Variants in ENY2 observed in about 807,000 individuals in gnomAD.
ENY2 encodes transcription and mRNA export factor ENY2.
ENY2 carries 4 observed loss-of-function variants against 15.9 expected under a neutral mutation model. The observed-to-expected ratio is 0.25, with a 90% CI of 0.12 to 0.57. ENY2 has a LOEUF of 0.57. Ranked by LOEUF, ENY2 falls within the 20% of genes least tolerant of loss-of-function variation. The pLI is 0.91. For synonymous variants in ENY2, 48 were observed against 38.0 expected, an observed-to-expected ratio of 1.26 and a Z score of -0.97; for missense variants, 54 against 117.2, an observed-to-expected ratio of 0.46 and a Z score of 2.49.
At chr8:109,334,625 T>A in intron 1 of ENY2, 151 bp downstream of exon 1, 3 of 878,740 alleles carry the variant, frequency 3.4e-6, no homozygotes, top group Non-Finnish European at 5.0e-6. Flanking sequence ...CTGAAACCAG[T>A]CCTCGCTTTG....
At chr8:109,342,760 T>C in intron 4 of ENY2, 1 of 696,764 alleles carries the variant, frequency 1.4e-6, no homozygotes, top group Non-Finnish European at 2.6e-6. Context: ...TGCCTCAACC[T>C]TCCAGACTGC....
Position 109,344,256 on chromosome 8 carries a change from A to G in ENY2, c.*775A>G, listed in dbSNP as rs572967421. Reference sequence around the variant, plus strand: ...TTGGAACTCTCTTCCCACTCCTCACATTGCTTTTGCTACCACTGGAAGTTC... The same window carrying G: ...TTGGAACTCTCTTCCCACTCCTCACGTTGCTTTTGCTACCACTGGAAGTTC... On this transcript the variant is annotated 3_prime_UTR_variant, in exon 5 of 5. Coordinates refer to ENST00000521688, the MANE Select transcript of ENY2 (RefSeq NM_020189.6). 2.0e-5 allele frequency: 3 copies of G among 152,368 alleles called. No individual in the cohort carries two copies. Among genetic ancestry groups the G allele is most frequent in the African/African-American group, 7.2e-5 (3 of 41,552 alleles). The allele number at this position is 152,368 out of a possible 1,614,324, so 9.4% of individuals were successfully genotyped here.
At chr8:109,334,557 C>G in intron 1 of ENY2, 83 bp downstream of exon 1, 1 of 1,496,356 alleles carries the variant, frequency 6.7e-7, no homozygotes. Context: ...GTTAGCGTCC[C>G]CGACCCGCGC....
At chr8:109,337,193 A>T (rs1816004430) in intron 2 of ENY2, among the ~76,000 whole-genome samples, 2 of 152,134 alleles carry the variant, frequency 1.3e-5, no homozygotes, top group African/African-American at 2.4e-5. Flanking sequence ...GTAGAAGATT[A>T]TATAGGGTTG....
intron 1 of ENY2, chr8:109,335,502 A>C (rs1305937476): frequency 6.6e-6 from 1 of 151,618 alleles, no homozygotes; most frequent in Non-Finnish European, 1.5e-5. Flanking sequence ...AGCTGGGATT[A>C]CAGACACCTG....
chr8:109,338,791 C>G (rs1408894022), intron 2 of ENY2: 3 of 152,310 alleles, frequency 2.0e-5, no homozygotes, highest in African/African-American at 7.2e-5. Flanking sequence ...GTCTTACAGT[C>G]AATGAAATAC....
At chr8:109,339,025 C>T (rs1870389) in intron 2 of ENY2, 76,435 of 360,384 alleles carry the variant, frequency 0.21, 9,302 homozygotes, top group East Asian at 0.38. Flanking sequence ...TGGTAGAGGA[C>T]GGTGGAGAGT....
intron 3 of ENY2, among the ~76,000 whole-genome samples, chr8:109,340,162 G>A (rs78896138): frequency 0.023 from 3,426 of 152,234 alleles, 139 homozygotes; most frequent in African/African-American, 0.077. Context: ...GCACCTAATA[G>A]AGATCTAGTA....
chr8:109,339,500 A>C (rs1458548915), intron 3 of ENY2, 110 bp downstream of exon 3: 2 of 878,774 alleles, frequency 2.3e-6, no homozygotes, highest in Non-Finnish European at 3.5e-6. Flanking sequence ...TTTTAAACAA[A>C]TATGGAATTT....
chr8:109,345,511 A>C lies in ENY2; in HGVS notation c.*2030A>C, dbSNP rs1324135135. On this transcript the variant is annotated 3_prime_UTR_variant, in exon 5 of 5. Coordinates refer to ENST00000521688, the MANE Select transcript of ENY2 (RefSeq NM_020189.6). ...AGATAAGCACACAATCACAAAACCT[A>C]CCCAAACAAGTTTTTTGTTTCACTT... 1.3e-5 allele frequency: 2 copies of C among 152,174 alleles called. No homozygotes were observed. The highest frequency in any genetic ancestry group is 4.8e-5 in the African/African-American group (2 of 41,458). 9.4% of individuals were successfully genotyped at this position (152,174 alleles called of 1,614,324 possible). A position where few individuals can be genotyped will look rare whatever the true frequency, so the allele number is the denominator to read the frequency against.
chr8:109,337,046 CTT>C (rs1416733542), intron 2 of ENY2, among the ~76,000 whole-genome samples: 2 of 150,898 alleles, frequency 1.3e-5, no homozygotes, highest in Non-Finnish European at 3.0e-5. Flanking sequence ...CTGTTGCTGA[CTT>C]TATTTTTGGA....
intron 1 of ENY2, chr8:109,335,155 G>A (rs564015165): frequency 6.6e-6 from 1 of 152,210 alleles, no homozygotes; most frequent in African/African-American, 2.4e-5. Context: ...TTTGGTTTGG[G>A]TTGTCTGTTT....
In ENY2 at chr8:109,343,587, C is replaced by T; in HGVS notation, c.*106C>T. On this transcript the variant is annotated 3_prime_UTR_variant, in exon 5 of 5. Transcript: ENST00000521688. The stretch of plus-strand genomic sequence containing the variant: ...AAATCCTTTTTTGTATGATGGTATA[C>T]AGTTTTCAGTAATGATGTATACATT... 4 of 915,042 alleles carry T rather than the reference C, an allele frequency of 4.4e-6. No individual in the cohort carries two copies. The Admixed American group carries it at 8.0e-5, about 18-fold the overall frequency. The allele number at this position is 915,042 out of a possible 1,614,324, so 56.7% of individuals were successfully genotyped here. A position where few individuals can be genotyped will look rare whatever the true frequency, so the allele number is the denominator to read the frequency against.
chr8:109,340,247 T>G (rs904159695), intron 3 of ENY2: 2 of 477,648 alleles, frequency 4.2e-6, no homozygotes, highest in Non-Finnish European at 7.5e-6. Context: ...CAGTCTAAAT[T>G]TATTGTAAGT....
At chr8:109,339,496 A>G in intron 3 of ENY2, 106 bp downstream of exon 3, 3 of 892,852 alleles carry the variant, frequency 3.4e-6, no homozygotes, top group Non-Finnish European at 3.4e-6. Flanking sequence ...ATGATTTTAA[A>G]CAAATATGGA....
At chr8:109,336,417 G>T in intron 2 of ENY2, 1 of 490,186 alleles carries the variant, frequency 2.0e-6, no homozygotes, top group South Asian at 2.8e-5. Flanking sequence ...AGCAAGATAT[G>T]GCTCTTAAAG....
rs1175770278 is a variant in ENY2, at chr8:109,336,217, T to A, written c.83+13T>A. On this transcript the variant is annotated intron_variant, in intron 2 of 4. Coordinates refer to ENST00000521688, the MANE Select transcript of ENY2 (RefSeq NM_020189.6). ...GAGAAAGAGAACGGTAAGTAATAGA[T>A]TGTGTTAATAAATTACATTTCACCG... 6.2e-7 allele frequency: 1 copy of A among 1,605,410 alleles called. No homozygotes were observed. Among genetic ancestry groups the A allele is most frequent in the Non-Finnish European group, 8.5e-7 (1 of 1,173,752 alleles).
chr8:109,337,691 C>CAGG (rs1816019202), intron 2 of ENY2, among the ~76,000 whole-genome samples: 1 of 150,774 alleles, frequency 6.6e-6, no homozygotes, highest in Non-Finnish European at 1.5e-5. Context: ...ATCACAAGGT[C>CAGG]AGGAGATTGA....
intron 4 of ENY2, 24 bp from the exon 5 acceptor site, chr8:109,343,381 T>A: frequency 1.3e-6 from 2 of 1,586,722 alleles, no homozygotes; most frequent in Non-Finnish European, 1.7e-6. Context: ...TTCTTACTCT[T>A]ATTTTTTTAT....
Sources: allele counts gnomAD v4.1 joint callset (sites outside exome capture counted in the v4.1 genomes callset), GRCh38; gene constraint gnomAD v4.1.1; transcripts MANE v1.5; gene names NCBI Gene and HGNC (gene_info 2026-07-23, HGNC 2026-07-21).